Variants in CLCC1 observed in about 807,000 individuals in gnomAD.
CLCC1 encodes chloride channel CLIC like 1.
CLCC1 carries 39 observed loss-of-function variants against 63.3 expected under a neutral mutation model. The observed-to-expected ratio is 0.62, with a 90% CI of 0.48 to 0.81. CLCC1 has a LOEUF of 0.81. Among genes scored for constraint, CLCC1 ranks in the 30% least tolerant of loss-of-function variants. The pLI is 0.00. For synonymous variants in CLCC1, 217 were observed against 239.8 expected (o/e 0.90, Z 0.88); for missense variants, 549 against 669.4 (o/e 0.82, Z 1.98).
rs745930755 is a variant in CLCC1, at chr1:108,961,293, A to AAAAC, written c.-12+1015_-12+1016insGTTT. 1.6e-3 allele frequency among the ~76,000 whole-genome samples: 250 copies of AAAAC among 151,772 alleles called. 4 individuals are homozygous for AAAAC. The highest frequency in any genetic ancestry group is 3.4e-3 in the Middle Eastern group (1 of 294). ...CTGCTGAAGAGTTTGTTAAAAAAAA[A>AAAAC]AAAAAACGATTCTGATTCAGTAAAT... On this transcript the variant is annotated intron_variant, in intron 2 of 12. Coordinates refer to ENST00000369969, the MANE Select transcript of CLCC1 (RefSeq NM_001377458.1).
chr1:108,933,534 T>C (rs972977144), intron 12 of CLCC1: 8 of 152,370 alleles, frequency 5.3e-5, no homozygotes, highest in African/African-American at 1.4e-4. Flanking sequence ...AAGCAAGTGC[T>C]TGGGATACAA....
rs1378305518 is a variant in CLCC1, at chr1:108,944,003, C to T, written c.394G>A (p.Glu132Lys). The T allele has an allele frequency of 6.2e-7, 1 of 1,613,544 alleles. No homozygotes were observed. Among genetic ancestry groups the T allele is most frequent in the East Asian group, 2.2e-5 (1 of 44,872 alleles). The change falls in exon 6 of 13, where the codon GAA (glutamate) becomes AAA (lysine). Residue 132 changes from glutamate to lysine, a missense_variant. Glu to Lys is a moderately conservative substitution (Grantham distance 56). Coordinates refer to ENST00000369969, the MANE Select transcript of CLCC1 (RefSeq NM_001377458.1). ...HYDAEIILKRETLLEIQKFLN... is the reference protein window; with the variant it reads ...HYDAEIILKRKTLLEIQKFLN... Reference sequence around the variant, plus strand: ...AACTTCTGTATTTCTAACAAAGTTTCTCTTTTAAGGATAATCTCAGCATCA... The same window carrying T: ...AACTTCTGTATTTCTAACAAAGTTTTTCTTTTAAGGATAATCTCAGCATCA...
At chr1:108,938,857 GTTA>G (rs1653385415) in intron 10 of CLCC1, among the ~76,000 whole-genome samples, 1 of 151,972 alleles carries the variant, frequency 6.6e-6, no homozygotes, top group Non-Finnish European at 1.5e-5. Context: ...TTAAAAAGAG[GTTA>G]TTATTCTAAA....
Position 108,956,882 on chromosome 1 carries a change from A to AGGCGGGGAGGCGGGGAGGCGGGGAGGCG in CLCC1, c.-12+5426_-12+5427insCGCCTCCCCGCCTCCCCGCCTCCCCGCC, listed in dbSNP as rs756017179. Among the ~76,000 whole-genome samples the AGGCGGGGAGGCGGGGAGGCGGGGAGGCG allele has an allele frequency of 1.8e-3, 193 of 104,444 alleles. 2 individuals carry two copies. The highest frequency in any genetic ancestry group is 4.4e-3 in the Middle Eastern group (1 of 228). 68.5% of individuals were successfully genotyped at this position (104,444 alleles called of 152,430 possible). On this transcript the variant is annotated intron_variant, in intron 2 of 12. Coordinates refer to ENST00000369969, the MANE Select transcript of CLCC1 (RefSeq NM_001377458.1). ...GGGTCTTGGGAATGAGCTGGGAGGC[A>AGGCGGGGAGGCGGGGAGGCGGGGAGGCG]GGGAGGCGGGGAGGCGGGGAGGCGG...
intron 10 of CLCC1, 38 bp from the exon 11 acceptor site, chr1:108,937,456 T>C: frequency 6.8e-7 from 1 of 1,476,318 alleles, no homozygotes; most frequent in Non-Finnish European, 9.1e-7. Context: ...GAGGACTCAA[T>C]GGCTAACTTA....
chr1:108,963,352 C>T lies in CLCC1; in HGVS notation c.-173+9G>A, dbSNP rs914472621. ...CCGCCGCACAACACACCCAACTGCA[C>T]GGACTCACGTCCGGGATCCCCTGCC... On this transcript the variant is annotated intron_variant, in intron 1 of 12. Transcript: ENST00000369969. The T allele has an allele frequency of 5.8e-5, 41 of 702,054 alleles. No homozygotes were observed. The highest frequency in any genetic ancestry group is 5.8e-4 in the African/African-American group (33 of 57,262). 43.5% of individuals were successfully genotyped at this position (702,054 alleles called of 1,614,324 possible). A position where few individuals can be genotyped will look rare whatever the true frequency, so the allele number is the denominator to read the frequency against.
At chr1:108,936,892 CTAATTT>C (rs1188528637) in intron 11 of CLCC1, among the ~76,000 whole-genome samples, 179 bp downstream of exon 11, 2 of 152,158 alleles carry the variant, frequency 1.3e-5, no homozygotes, top group Non-Finnish European at 1.5e-5. Flanking sequence ...AAAGTTAAAT[CTAATTT>C]TATTTCTTCT....
Position 108,940,145 on chromosome 1 carries a change from G to C in CLCC1, c.797-3C>G, listed in dbSNP as rs780289983. The C allele has an allele frequency of 1.3e-6, 2 of 1,567,576 alleles. No homozygotes were observed. The highest frequency in any genetic ancestry group is 1.8e-6 in the Non-Finnish European group (2 of 1,142,660). ...GGTCCATGAACTTCTAAACCATTCT[G>C]TTTAGAGAAACAGACAAAACACTGA... is the stretch of plus-strand genomic sequence containing the variant. On this transcript the variant is annotated splice_polypyrimidine_tract_variant and splice_region_variant and intron_variant, in intron 8 of 12. Transcript: ENST00000369969.
At chr1:108,941,971 A>T (rs1056844194) in intron 7 of CLCC1, among the ~76,000 whole-genome samples, 1 of 152,250 alleles carries the variant, frequency 6.6e-6, no homozygotes, top group Non-Finnish European at 1.5e-5. Context: ...TTTCCAGTTC[A>T]TGGAAAAGTA....
At chr1:108,950,827 A>G (rs748559139) in intron 2 of CLCC1, among the ~76,000 whole-genome samples, 45 of 152,122 alleles carry the variant, frequency 3.0e-4, no homozygotes, top group Admixed American at 1.6e-3. Context: ...ATTGTTTTGT[A>G]ATGAAAACTA....
chr1:108,930,890 C>CA lies in CLCC1; in HGVS notation c.*1656dup, dbSNP rs367914389. The CA allele has an allele frequency of 7.7e-3, 988 of 128,512 alleles. 9 individuals carry two copies. The highest frequency in any genetic ancestry group is 0.011 in the Admixed American group (126 of 11,888). The allele number at this position is 128,512 out of a possible 1,614,324, so 8.0% of individuals were successfully genotyped here. On this transcript the variant is annotated 3_prime_UTR_variant, in exon 13 of 13. Transcript: ENST00000369969. ...TGAGTGACAGAGCAAGACTCTGTCT[C>CA]AAAAAAAAAAAAAACAGCAAGCATG...
intron 3 of CLCC1, 47 bp downstream of exon 3, chr1:108,950,262 A>G: frequency 1.3e-6 from 2 of 1,574,138 alleles, no homozygotes; most frequent in Non-Finnish European, 1.7e-6. Context: ...TGTTTCCATC[A>G]TGGGACTGAT....
intron 2 of CLCC1, among the ~76,000 whole-genome samples, chr1:108,961,367 G>A (rs549806214): frequency 4.6e-5 from 7 of 151,142 alleles, no homozygotes; most frequent in Non-Finnish European, 8.8e-5. Flanking sequence ...TGGTGATGCC[G>A]CAGACCACAC....
chr1:108,955,723 C>T (rs779320449), intron 2 of CLCC1, among the ~76,000 whole-genome samples: 12 of 151,294 alleles, frequency 7.9e-5, no homozygotes, highest in Non-Finnish European at 1.5e-4. Flanking sequence ...CCTAATACAA[C>T]AAAAAAGAGA....
In CLCC1 at chr1:108,931,514, C is replaced by A; in HGVS notation, c.*1033G>T. ...GGATGGGATCTGGGGATGTGGACCC[C>A]TATTCTTTCAAAAAGTCATTCAGGT... On this transcript the variant is annotated 3_prime_UTR_variant, in exon 13 of 13. Transcript: ENST00000369969. 6.5e-7 allele frequency: 1 copy of A among 1,534,448 alleles called. No individual in the cohort carries two copies. The highest frequency in any genetic ancestry group is 8.8e-7 in the Non-Finnish European group (1 of 1,138,752).
intron 2 of CLCC1, among the ~76,000 whole-genome samples, chr1:108,960,958 G>A (rs1656556079): frequency 6.6e-6 from 1 of 152,088 alleles, no homozygotes; most frequent in Non-Finnish European, 1.5e-5. Context: ...TCTTCCCAAA[G>A]TGCTGGGATT....
At chr1:108,955,285 C>A (rs1655741560) in intron 2 of CLCC1, among the ~76,000 whole-genome samples, 1 of 151,386 alleles carries the variant, frequency 6.6e-6, no homozygotes, top group Non-Finnish European at 1.5e-5. Flanking sequence ...AGTGATAAAT[C>A]CTAAGAAGAT....
In CLCC1 at chr1:108,949,879, A is replaced by T. The variant is rs111514209; in HGVS notation, c.172T>A (p.Leu58Met). 6.2e-7 allele frequency: 1 copy of T among 1,604,000 alleles called. No individual in the cohort carries two copies. Among genetic ancestry groups the T allele is most frequent in the East Asian group, 2.3e-5 (1 of 44,296 alleles). ...TCTGATATTTCATCAGCACATGACA[A>T]GTCAGGACTGACATCCTTTTCCCCT... Reference protein sequence around the residue: ...ISGEKDVSPDLSCADEISECY... With the variant: ...ISGEKDVSPDMSCADEISECY... Residue 58 changes from leucine (L) to methionine (M), a missense_variant, in exon 4 of 13, where the codon TTG becomes ATG. By Grantham distance (15) the Leu-to-Met change is conservative. Transcript: ENST00000369969.
At chr1:108,938,964 G>C (rs1451655540) in intron 10 of CLCC1, among the ~76,000 whole-genome samples, 1 of 151,738 alleles carries the variant, frequency 6.6e-6, no homozygotes, top group African/African-American at 2.4e-5. Flanking sequence ...CATTTAGAGG[G>C]GCAGAGGGGA....
Sources: allele counts gnomAD v4.1 joint callset (sites outside exome capture counted in the v4.1 genomes callset), GRCh38; gene constraint gnomAD v4.1.1; transcripts MANE v1.5; gene names NCBI Gene and HGNC (gene_info 2026-07-23, HGNC 2026-07-21).